RBM44: variants seen among roughly 807,000 people sequenced by gnomAD.
RBM44 encodes RNA binding motif protein 44.
A neutral mutation model predicts 105.1 loss-of-function variants in RBM44; 66 were observed. The observed-to-expected ratio is 0.63, with a 90% confidence interval of 0.52 to 0.77. The LOEUF is 0.77. Ranked by LOEUF, RBM44 falls within the 30% of genes least tolerant of loss-of-function variation. The probability of loss-of-function intolerance (pLI) is 0.00; values close to 1 mark genes in which losing one functional copy is unlikely to be tolerated. For missense variants in RBM44, 1,122 were observed against 1,207.8 expected (o/e 0.93, Z 1.05); for synonymous variants, 365 against 417.6 (o/e 0.87, Z 1.54).
intron 1 of RBM44, among the ~76,000 whole-genome samples, chr2:237,812,978 A>G (rs545602088): frequency 1.3e-5 from 2 of 152,284 alleles, no homozygotes; most frequent in African/African-American, 4.8e-5. Flanking sequence ...CATCATTATT[A>G]CCTTTTTAAA....
chr2:237,841,530 A>G lies in RBM44; in HGVS notation c.*23-309A>G, dbSNP rs1045725465. On this transcript the variant is annotated intron_variant, in intron 15 of 15. Coordinates refer to ENST00000316997, the MANE Select transcript of RBM44 (RefSeq NM_001080504.3). The surrounding 1 kb of genome is among the most constrained non-coding windows in gnomAD (Gnocchi z 4.5). ...AAACCCTGCAACATGTAATTTATCTATATCGATATAACGAACCTGCACATA... is the reference window on the plus strand; with the variant it reads ...AAACCCTGCAACATGTAATTTATCTGTATCGATATAACGAACCTGCACATA... Among the ~76,000 whole-genome samples the G allele has an allele frequency of 2.6e-5, 4 of 152,234 alleles. No individual in the cohort carries two copies. Among genetic ancestry groups the G allele is most frequent in the African/African-American group, 9.6e-5 (4 of 41,464 alleles).
chr2:237,810,364 G>T (rs1384045477), intron 1 of RBM44, among the ~76,000 whole-genome samples: 4 of 152,064 alleles, frequency 2.6e-5, no homozygotes, highest in East Asian at 1.9e-4. Context: ...AAATCCTCTT[G>T]GTTTGAACCT....
chr2:237,817,487 A>G lies in RBM44; in HGVS notation c.568A>G (p.Ser190Gly). ...TDEDSQQEYHSAEEQEYISNH... is the reference protein window; with the variant it reads ...TDEDSQQEYHGAEEQEYISNH... Reference sequence around the variant, plus strand: ...TGAAGACTCACAGCAGGAATATCACAGTGCAGAAGAACAAGAATACATAAG... The same window carrying G: ...TGAAGACTCACAGCAGGAATATCACGGTGCAGAAGAACAAGAATACATAAG... The change falls in exon 3 of 16, where the codon AGT (serine) becomes GGT (glycine). Residue 190 changes from serine (S) to glycine (G), a missense_variant. By Grantham distance (56) the Ser-to-Gly change is moderately conservative. Coordinates refer to ENST00000316997, the MANE Select transcript of RBM44 (RefSeq NM_001080504.3). The G allele has an allele frequency of 6.2e-7, 1 of 1,604,638 alleles. No individual in the cohort carries two copies. Among genetic ancestry groups the G allele is most frequent in the East Asian group, 2.2e-5 (1 of 44,538 alleles).
chr2:237,801,730 G>T (rs1289513874), intron 1 of RBM44, among the ~76,000 whole-genome samples: 1 of 152,070 alleles, frequency 6.6e-6, no homozygotes, highest in Admixed American at 6.6e-5. Flanking sequence ...TCTTAAATTG[G>T]GATGCTCTAT....
In RBM44 at chr2:237,822,712, G is replaced by A. The variant is rs191754518; in HGVS notation, c.2206-728G>A. Reference sequence around the variant, plus strand: ...ATGGTATAACCTGTTTATTTAGGGAGAACAATAAATTATTTTTTAAAGAAC... The same window carrying A: ...ATGGTATAACCTGTTTATTTAGGGAAAACAATAAATTATTTTTTAAAGAAC... On this transcript the variant is annotated intron_variant, in intron 8 of 15. Transcript: ENST00000316997. Among the ~76,000 whole-genome samples, 3 of 152,040 alleles carry A rather than the reference G, an allele frequency of 2.0e-5. No individual in the cohort carries two copies. In the South Asian group the frequency reaches 6.2e-4, roughly 32 times the overall value.
intron 2 of RBM44, among the ~76,000 whole-genome samples, chr2:237,816,117 C>T (rs1459299495): frequency 1.3e-5 from 2 of 152,108 alleles, no homozygotes; most frequent in African/African-American, 2.4e-5. Flanking sequence ...ATTGTACTTG[C>T]GTTGGATTTG....
chr2:237,814,328 T>C (rs2061690295), intron 2 of RBM44, among the ~76,000 whole-genome samples: 1 of 152,126 alleles, frequency 6.6e-6, no homozygotes, highest in South Asian at 2.1e-4. Context: ...ATTAAGAGGG[T>C]CATTTTAAAG....
At chr2:237,809,080 C>T (rs1203031372) in intron 1 of RBM44, among the ~76,000 whole-genome samples, 1 of 152,158 alleles carries the variant, frequency 6.6e-6, no homozygotes, top group East Asian at 1.9e-4. Flanking sequence ...CCCTTAATAA[C>T]ACAATGTATG....
chr2:237,806,635 G>A (rs1221116824), intron 1 of RBM44, among the ~76,000 whole-genome samples: 3 of 152,156 alleles, frequency 2.0e-5, no homozygotes, highest in African/African-American at 7.2e-5. Context: ...GTTCAGAAAG[G>A]CTAAGGCGTT....
In RBM44 at chr2:237,834,069, C is replaced by G. The variant is rs1338418731; in HGVS notation, c.2959C>G (p.Pro987Ala). Reference sequence around the variant, plus strand: ...TGATACACCCGTTCAATTCATACCTCCAAATACATTGAACCTTCGTAGCTT... The same window carrying G: ...TGATACACCCGTTCAATTCATACCTGCAAATACATTGAACCTTCGTAGCTT... ...LPDTPVQFIP[P>A]NTLNLRSFTK... The change falls in exon 14 of 16, where the codon CCA becomes GCA. Residue 987 changes from proline to alanine, a missense_variant. Physicochemically the swap from Pro to Ala is conservative, Grantham distance 27. Transcript: ENST00000316997. 6.3e-7 allele frequency: 1 copy of G among 1,579,542 alleles called. No individual in the cohort carries two copies.
intron 15 of RBM44, chr2:237,834,703 GT>G (rs771757305): frequency 1.4e-3 from 242 of 178,872 alleles, no homozygotes; most frequent in Non-Finnish European, 2.3e-3. Context: ...GGTTTTTCAT[GT>G]TGCAGTCAAG....
chr2:237,829,132 G>T, intron 12 of RBM44, 85 bp from the exon 13 acceptor site: 1 of 939,064 alleles, frequency 1.1e-6, no homozygotes, highest in Admixed American at 2.9e-5. Flanking sequence ...TGTGAAAAAC[G>T]TATTTGCATC....
Position 237,823,502 on chromosome 2 carries a change from T to C in RBM44, c.2268T>C (p.Phe756=), listed in dbSNP as rs1559917302. The change falls in exon 9 of 16, where the codon TTT becomes TTC. Residue 756 remains phenylalanine (F), a synonymous_variant. Transcript: ENST00000316997. ...ACATATCACCCAAGAAAGATGACTT[T>C]AAAAATGGTGATATAAATGCAGACT... is the stretch of plus-strand genomic sequence containing the variant. The part of the protein sequence containing the change: ...TQNISPKKDD[F]KNGDINADFS... The C allele has an allele frequency of 9.7e-6, 15 of 1,543,720 alleles. No individual in the cohort carries two copies. The highest frequency in any genetic ancestry group is 1.3e-5 in the Non-Finnish European group (15 of 1,138,184).
intron 13 of RBM44, among the ~76,000 whole-genome samples, chr2:237,830,730 A>G (rs979255506): frequency 1.3e-5 from 2 of 152,120 alleles, no homozygotes; most frequent in South Asian, 2.1e-4. Flanking sequence ...GTGTGAGTCT[A>G]TTTTTAGACT....
At chr2:237,811,051 G>A (rs1029685371) in intron 1 of RBM44, among the ~76,000 whole-genome samples, 4 of 152,012 alleles carry the variant, frequency 2.6e-5, no homozygotes, top group African/African-American at 9.7e-5. Flanking sequence ...AGCTGCTGCA[G>A]CCTTCAACTT....
At position 237,803,162 on chromosome 2, in the gene RBM44, G is replaced by T. The variant is rs1166707658; in HGVS notation, c.-19+4301G>T. On this transcript the variant is annotated intron_variant, in intron 1 of 15. Transcript: ENST00000316997. The surrounding 1 kb of genome is among the most constrained non-coding windows in gnomAD (Gnocchi z 4.2). ...TGCACCTGTAGTGCCAGCTACAAAGGAGGCTGAGGCAGGAGAATCACTTTG... is the reference window on the plus strand; with the variant it reads ...TGCACCTGTAGTGCCAGCTACAAAGTAGGCTGAGGCAGGAGAATCACTTTG... 3.9e-5 allele frequency among the ~76,000 whole-genome samples: 6 copies of T among 152,152 alleles called. No homozygotes were observed. Among genetic ancestry groups the T allele is most frequent in the Non-Finnish European group, 7.3e-5 (5 of 68,036 alleles).
At position 237,824,308 on chromosome 2, in the gene RBM44, G is replaced by C; in HGVS notation, c.2338G>C (p.Glu780Gln). 1 of 1,613,012 alleles carries C rather than the reference G, an allele frequency of 6.2e-7. No homozygotes were observed. Among genetic ancestry groups the C allele is most frequent in the African/African-American group, 1.3e-5 (1 of 74,970 alleles). Residue 780 changes from glutamate to glutamine, a missense_variant, in exon 10 of 16, where the codon GAG (glutamate) becomes CAG (glutamine). By Grantham distance (29) the Glu-to-Gln change is conservative. Around this residue, in one of 3 missense-constraint regions of RBM44, gnomAD observed 918 missense variants for 955.3 expected, o/e 0.96. Transcript: ENST00000316997. ...TGTCTTAGACTGCAGACATTACCAAGAGACAAGCGAAGACTGGTCTGATGC... is the reference window on the plus strand; with the variant it reads ...TGTCTTAGACTGCAGACATTACCAACAGACAAGCGAAGACTGGTCTGATGC... ...LGDKDCRHYQETSEDWSDAKE... is the reference protein window; with the variant it reads ...LGDKDCRHYQQTSEDWSDAKE...
At chr2:237,813,442 G>A in intron 1 of RBM44, 150 bp from the exon 2 acceptor site, 1 of 485,330 alleles carries the variant, frequency 2.1e-6, no homozygotes, top group South Asian at 4.1e-5. Context: ...CAATTTTTTA[G>A]ATTTAAACTT....
At chr2:237,839,407 A>G (rs1431893635) in intron 15 of RBM44, among the ~76,000 whole-genome samples, 2 of 152,102 alleles carry the variant, frequency 1.3e-5, no homozygotes, top group African/African-American at 4.8e-5. Flanking sequence ...AGTAGCTGAG[A>G]CTACAGTCAC....
Sources: gnomAD v4.1 joint callset for allele counts (sites outside exome capture counted in the v4.1 genomes callset) on GRCh38, gnomAD v4.1.1 for gene constraint, gnomAD v4.1.1 regional missense constraint, Gnocchi (gnomAD v3.1) non-coding constraint, MANE v1.5 for transcripts, NCBI Gene and HGNC (gene_info 2026-07-23, HGNC 2026-07-21) for gene names.